ERC2: variants seen among roughly 807,000 people sequenced by gnomAD.
ERC2 encodes the protein ELKS/RAB6-interacting/CAST family member 2.
In ERC2, 42 loss-of-function variants were observed where a neutral mutation model predicts 114.8. The observed-to-expected ratio is 0.37, with a 90% CI of 0.29 to 0.47. The LOEUF is 0.47. ERC2 is among the 20% of genes least tolerant of loss of function. The pLI, the probability that ERC2 is intolerant of heterozygous loss-of-function variation, is 0.99. For missense variants in ERC2, 939 were observed against 1,150.7 expected (o/e 0.82, Z 2.66); for synonymous variants, 454 against 425.5 (o/e 1.07, Z -0.82).
chr3:55,727,934 A>G (rs1487517064), intron 15 of ERC2, among the ~76,000 whole-genome samples: 1 of 152,186 alleles, frequency 6.6e-6, no homozygotes, highest in Non-Finnish European at 1.5e-5. Context: ...GCGTGGTGCC[A>G]TTTTGTGGTC....
intron 4 of ERC2, among the ~76,000 whole-genome samples, chr3:56,155,422 G>GA (rs2081653089): frequency 6.6e-6 from 1 of 150,882 alleles, no homozygotes; most frequent in African/African-American, 2.4e-5. Context: ...TTGATATCAT[G>GA]TATTGAGAAC....
At chr3:56,043,237 C>T (rs919375378) in intron 7 of ERC2, among the ~76,000 whole-genome samples, 3 of 152,054 alleles carry the variant, frequency 2.0e-5, no homozygotes, top group African/African-American at 7.2e-5. Context: ...GTAAAATATT[C>T]TAGTTTTTCA....
intron 17 of ERC2, among the ~76,000 whole-genome samples, chr3:55,590,812 C>G (rs1177521839): frequency 6.6e-6 from 1 of 152,146 alleles, no homozygotes; most frequent in East Asian, 1.9e-4. Context: ...ACATTAATGT[C>G]CTCTTTTATA....
At chr3:56,146,497 T>C (rs1399793591) in intron 5 of ERC2, among the ~76,000 whole-genome samples, 1 of 152,252 alleles carries the variant, frequency 6.6e-6, no homozygotes, top group Non-Finnish European at 1.5e-5. Context: ...ATCTTATTTG[T>C]ATTTCTTAGA....
chr3:55,712,328 C>A (rs2063818369), intron 15 of ERC2, among the ~76,000 whole-genome samples: 1 of 152,056 alleles, frequency 6.6e-6, no homozygotes, highest in Admixed American at 6.6e-5. Context: ...GGCGAGGATG[C>A]CCAGGAGCCC....
At chr3:56,302,126 T>C (rs1056395368) in intron 2 of ERC2, among the ~76,000 whole-genome samples, 10 of 152,196 alleles carry the variant, frequency 6.6e-5, no homozygotes, top group Non-Finnish European at 1.3e-4. Flanking sequence ...ACAAGAAAAT[T>C]GTATCCACAC....
intron 13 of ERC2, among the ~76,000 whole-genome samples, chr3:55,910,185 T>C (rs992249293): frequency 6.6e-6 from 1 of 151,932 alleles, no homozygotes; most frequent in African/African-American, 2.4e-5. Context: ...AAGCCAAGAG[T>C]TGGAGACCAG....
intron 3 of ERC2, chr3:56,185,151 GAAGCT>G (rs6147830): frequency 0.23 from 35,334 of 152,000 alleles, 4,838 homozygotes; most frequent in Non-Finnish European, 0.3. Context: ...TCTGATCTCA[GAAGCT>G]AAGCAATATT....
At chr3:56,280,833 T>C (rs1185776671) in intron 3 of ERC2, among the ~76,000 whole-genome samples, 1 of 152,230 alleles carries the variant, frequency 6.6e-6, no homozygotes, top group Non-Finnish European at 1.5e-5. Flanking sequence ...TCTAATAGCA[T>C]GGCAGCTATG....
chr3:56,446,143 C>T (rs1263462478), intron 1 of ERC2, among the ~76,000 whole-genome samples: 2 of 152,142 alleles, frequency 1.3e-5, no homozygotes, highest in Non-Finnish European at 1.5e-5. Flanking sequence ...GCACAATGAT[C>T]CGGGAACATT....
At chr3:55,920,838 T>C (rs79291258) in intron 13 of ERC2, among the ~76,000 whole-genome samples, 4,798 of 152,176 alleles carry the variant, frequency 0.032, 152 homozygotes, top group African/African-American at 0.078. Context: ...CTTTTCCAAA[T>C]TCCTATCTTG....
intron 12 of ERC2, among the ~76,000 whole-genome samples, chr3:55,970,955 T>C (rs1412828854): frequency 6.6e-6 from 1 of 152,102 alleles, no homozygotes; most frequent in Non-Finnish European, 1.5e-5. Flanking sequence ...AATCAACTGA[T>C]GAAAAGATAA....
At position 56,311,819 on chromosome 3, in the gene ERC2, A is replaced by ATGTGTGTG. The variant is rs10536094; in HGVS notation, c.658-15392_658-15385dup. Among the ~76,000 whole-genome samples the ATGTGTGTG allele has an allele frequency of 1.6e-3, 224 of 142,958 alleles. 1 individual carries two copies. The highest frequency in any genetic ancestry group is 4.6e-3 in the South Asian group (20 of 4,316). The allele number at this position is 142,958 out of a possible 152,430, so 93.8% of individuals were successfully genotyped here. A position where few individuals can be genotyped will look rare whatever the true frequency, so the allele number is the denominator to read the frequency against. On this transcript the variant is annotated intron_variant, in intron 2 of 17. Transcript: ENST00000288221. ...GCCAGGTTAAATTATATACATATAA[A>ATGTGTGTG]TGTGTGTGTGTGTGTGTGTGTGTGT... is the stretch of plus-strand genomic sequence containing the variant.
rs146528444 is a variant in ERC2, at chr3:56,167,150, GTCT to G, written c.1149+6293_1149+6295del. 6.6e-5 allele frequency among the ~76,000 whole-genome samples: 10 copies of G among 152,196 alleles called. No homozygotes were observed. The East Asian group carries it at 1.9e-3, about 29-fold the overall frequency. ...TGCTACCTTCTCCAAAAAGCATTCT[GTCT>G]TCTTCTCTTATTTGATATCCTTTGA... On this transcript the variant is annotated intron_variant, in intron 4 of 17. Transcript: ENST00000288221.
intron 17 of ERC2, among the ~76,000 whole-genome samples, chr3:55,577,977 A>G (rs986045127): frequency 6.6e-6 from 1 of 152,180 alleles, no homozygotes; most frequent in Admixed American, 6.5e-5. Flanking sequence ...GAGAAAGGGG[A>G]CGTGGCCCCC....
intron 13 of ERC2, among the ~76,000 whole-genome samples, chr3:55,891,437 ATTTTTTTTTT>A (rs869073962): frequency 0.068 from 5,933 of 86,836 alleles, 215 homozygotes; most frequent in Admixed American, 0.21. Flanking sequence ...GTCTGGTTCT[ATTTTTTTTTT>A]TTTTTTTTTT....
chr3:56,213,547 C>T (rs1482016406), intron 3 of ERC2, among the ~76,000 whole-genome samples: 2 of 152,202 alleles, frequency 1.3e-5, no homozygotes, highest in Non-Finnish European at 2.9e-5. Context: ...CCCATCCCAG[C>T]TCAAGGAGGC....
At chr3:56,118,852 G>C (rs2079408770) in intron 6 of ERC2, among the ~76,000 whole-genome samples, 1 of 151,964 alleles carries the variant, frequency 6.6e-6, no homozygotes, top group Non-Finnish European at 1.5e-5. Context: ...TAACCAGGAT[G>C]GTCTTGATCT....
chr3:56,228,742 C>T (rs1056036054), intron 3 of ERC2, among the ~76,000 whole-genome samples: 1 of 152,174 alleles, frequency 6.6e-6, no homozygotes, highest in African/African-American at 2.4e-5. Flanking sequence ...TTTAATTCAT[C>T]AAACTGTATG....
Sources: gnomAD v4.1 joint callset for allele counts (sites outside exome capture counted in the v4.1 genomes callset) on GRCh38, gnomAD v4.1.1 for gene constraint, MANE v1.5 for transcripts, NCBI Gene and HGNC (gene_info 2026-07-23, HGNC 2026-07-21) for gene names.